The following KIF26B variants were observed in gnomAD, a reference collection of about 807,000 sequenced individuals.
KIF26B encodes kinesin family member 26B.
Under a neutral mutation model 151.2 loss-of-function variants are expected in KIF26B, and 63 were observed. The observed-to-expected ratio is 0.42, with a 90% CI of 0.34 to 0.51. The LOEUF is 0.51. KIF26B is among the 20% of genes least tolerant of loss of function. KIF26B has a pLI of 0.07. For missense variants in KIF26B, 2,813 were observed against 2,913.6 expected (o/e 0.97, Z 0.79); for synonymous variants, 1,357 against 1,262.1 (o/e 1.08, Z -1.59).
intron 2 of KIF26B, among the ~76,000 whole-genome samples, chr1:245,252,120 C>CA (rs1670455563): frequency 6.6e-6 from 1 of 151,384 alleles, no homozygotes; most frequent in African/African-American, 2.4e-5. Flanking sequence ...ACTAAAAATA[C>CA]AAAAAATTAG....
intron 2 of KIF26B, among the ~76,000 whole-genome samples, chr1:245,172,236 G>GC (rs1381510236): frequency 1.3e-5 from 2 of 152,084 alleles, no homozygotes; most frequent in African/African-American, 4.8e-5. Flanking sequence ...GGGTACAGAA[G>GC]CCACGTGGTA....
chr1:245,632,788 G>C (rs1441113556), intron 9 of KIF26B, among the ~76,000 whole-genome samples: 1 of 152,166 alleles, frequency 6.6e-6, no homozygotes, highest in African/African-American at 2.4e-5. Context: ...TGCACCTGTA[G>C]TGCCAGCTAC....
intron 2 of KIF26B, among the ~76,000 whole-genome samples, chr1:245,189,163 C>T (rs1669051129): frequency 2.0e-5 from 3 of 152,208 alleles, no homozygotes; most frequent in Admixed American, 2.0e-4. Context: ...CTGAATGCCA[C>T]TGCACACTTG....
At chr1:245,291,651 C>T (rs999887744) in intron 2 of KIF26B, among the ~76,000 whole-genome samples, 1 of 152,186 alleles carries the variant, frequency 6.6e-6, no homozygotes, top group African/African-American at 2.4e-5. Flanking sequence ...CTGTTCTCCA[C>T]TGGGAAAGAT....
chr1:245,371,889 T>C (rs1233092702), intron 3 of KIF26B, among the ~76,000 whole-genome samples: 1 of 152,194 alleles, frequency 6.6e-6, no homozygotes, highest in Non-Finnish European at 1.5e-5. Context: ...ACAAAGATAA[T>C]TCTCATTAAA....
intron 9 of KIF26B, among the ~76,000 whole-genome samples, chr1:245,640,139 C>CTCTCTCTCTCTCTCTCTCTCTCTCTG (rs2043875525): frequency 3.3e-5 from 1 of 30,094 alleles, no homozygotes; most frequent in Admixed American, 3.6e-4. Context: ...CTCTCTCTCT[C>CTCTCTCTCTCTCTCTCTCTCTCTCTG]TCTCTATATA....
intron 2 of KIF26B, among the ~76,000 whole-genome samples, chr1:245,285,449 A>C (rs1182510518): frequency 6.6e-6 from 1 of 152,210 alleles, no homozygotes; most frequent in Non-Finnish European, 1.5e-5. Context: ...AATCTTGATC[A>C]TTAATTCAAT....
At chr1:245,533,442 C>T (rs1293363031) in intron 4 of KIF26B, among the ~76,000 whole-genome samples, 1 of 152,136 alleles carries the variant, frequency 6.6e-6, no homozygotes, top group Non-Finnish European at 1.5e-5. Flanking sequence ...CTTTACCCAC[C>T]TATTTGAGCA....
Position 245,686,045 on chromosome 1 carries a change from C to T in KIF26B, c.3062C>T (p.Ser1021Leu). ...AAPAHSPSPASPRSVPGSSSQ... is the reference protein window; with the variant it reads ...AAPAHSPSPALPRSVPGSSSQ... ...CCCGCCCACAGCCCCAGCCCGGCCT[C>T]ACCCAGGAGCGTCCCGGGCAGCAGT... Residue 1021 changes from serine to leucine, a missense_variant, in exon 12 of 15, where the codon TCA (serine) becomes TTA (leucine). Physicochemically the swap from Ser to Leu is moderately radical, Grantham distance 145 (BLOSUM62 -2). This residue lies in a region of KIF26B where 2,060 missense variants were observed against 2,088.6 expected (regional missense o/e 0.99). Transcript: ENST00000407071. This position sits in a 1 kb window ranked among gnomAD's most constrained non-coding sequence, Gnocchi z 5.6. The T allele has an allele frequency of 6.3e-7, 1 of 1,595,044 alleles. No individual in the cohort carries two copies. Among genetic ancestry groups the T allele is most frequent in the Non-Finnish European group, 8.5e-7 (1 of 1,171,546 alleles).
intron 2 of KIF26B, among the ~76,000 whole-genome samples, chr1:245,355,126 T>C (rs1441326911): frequency 6.6e-6 from 1 of 152,124 alleles, no homozygotes; most frequent in African/African-American, 2.4e-5. Context: ...GGTCTCACCA[T>C]GTTGGCCAGG....
chr1:245,529,542 G>T (rs1661314386), intron 4 of KIF26B, among the ~76,000 whole-genome samples: 2 of 152,146 alleles, frequency 1.3e-5, no homozygotes. Flanking sequence ...CTTCTGTTTA[G>T]CCTTCCATGC....
rs1329990641 is a variant in KIF26B, at chr1:245,324,568, C to T, written c.466-42266C>T. Among the ~76,000 whole-genome samples, 3 of 152,098 alleles carry T rather than the reference C, an allele frequency of 2.0e-5. No individual in the cohort carries two copies. In the East Asian group the frequency reaches 5.8e-4, roughly 29 times the overall value. On this transcript the variant is annotated intron_variant, in intron 2 of 14. Coordinates refer to ENST00000407071, the MANE Select transcript of KIF26B (RefSeq NM_018012.4). Reference sequence around the variant, plus strand: ...AAGCTGAGTGCTTGTGGTTGGGATTCCTTCTTTTTCCTCTTTTATTGTTTC... The same window carrying T: ...AAGCTGAGTGCTTGTGGTTGGGATTTCTTCTTTTTCCTCTTTTATTGTTTC...
intron 5 of KIF26B, among the ~76,000 whole-genome samples, chr1:245,566,550 A>G (rs73135665): frequency 0.12 from 18,787 of 152,324 alleles, 1,518 homozygotes; most frequent in East Asian, 0.22. Context: ...AAGAAGAAAG[A>G]GAAAAACAAA....
intron 2 of KIF26B, among the ~76,000 whole-genome samples, chr1:245,175,800 A>G (rs934237312): frequency 6.6e-6 from 1 of 151,952 alleles, no homozygotes; most frequent in African/African-American, 2.4e-5. Context: ...GTGTAGAGTT[A>G]AAAGAGTCAC....
chr1:245,622,015 T>TA, intron 9 of KIF26B, among the ~76,000 whole-genome samples: 1 of 152,266 alleles, frequency 6.6e-6, no homozygotes, highest in East Asian at 1.9e-4. Flanking sequence ...AATGGACTGT[T>TA]AGAGTCAGAA....
At position 245,246,958 on chromosome 1, in the gene KIF26B, CACACAG is replaced by C. The variant is rs1334522237; in HGVS notation, c.465+90287_465+90292del. On this transcript the variant is annotated intron_variant, in intron 2 of 14. Transcript: ENST00000407071. ...ACACACAGATACAGACACACACACACACACAGACACAGACACACACACACACAAACT... is the reference window on the plus strand; with the variant it reads ...ACACACAGATACAGACACACACACACACACAGACACACACACACACAAACT... Among the ~76,000 whole-genome samples, 6 of 151,402 alleles carry C rather than the reference CACACAG, an allele frequency of 4.0e-5. No homozygotes were observed. In the East Asian group the frequency reaches 1.2e-3, roughly 29 times the overall value.
At chr1:245,354,934 T>A (rs2103002555) in intron 2 of KIF26B, among the ~76,000 whole-genome samples, 1 of 152,306 alleles carries the variant, frequency 6.6e-6, no homozygotes, top group South Asian at 2.1e-4. Context: ...TATTTATTTA[T>A]TTTTGAGACG....
At chr1:245,272,488 TC>T (rs1169415315) in intron 2 of KIF26B, among the ~76,000 whole-genome samples, 2 of 147,776 alleles carry the variant, frequency 1.4e-5, no homozygotes, top group East Asian at 3.9e-4. Context: ...GTTTCTTTTT[TC>T]TATTGTTTTT....
intron 3 of KIF26B, among the ~76,000 whole-genome samples, chr1:245,392,736 T>C (rs979229857): frequency 6.6e-6 from 1 of 152,242 alleles, no homozygotes; most frequent in African/African-American, 2.4e-5. Context: ...GTGCTGGCAC[T>C]TGGCAGTCCT....
Sources: allele counts gnomAD v4.1 joint callset (sites outside exome capture counted in the v4.1 genomes callset), GRCh38; gene constraint gnomAD v4.1.1; regional missense constraint gnomAD v4.1.1; non-coding constraint Gnocchi (gnomAD v3.1); transcripts MANE v1.5; gene names NCBI Gene and HGNC (gene_info 2026-07-23, HGNC 2026-07-21).